The following ITSN1 variants were observed in gnomAD, a reference collection of about 807,000 sequenced individuals.
ITSN1 encodes intersectin-1.
ITSN1 carries 58 observed loss-of-function variants against 239.8 expected under a neutral mutation model. That is an observed-to-expected ratio of 0.24 (90% CI 0.20 to 0.30). ITSN1 has a LOEUF of 0.30. Among genes scored for constraint, ITSN1 ranks in the 10% least tolerant of loss-of-function variants. The pLI is 1.00. For missense variants in ITSN1, 1,558 were observed against 2,103.3 expected, an observed-to-expected ratio of 0.74 and a Z score of 5.07; for synonymous variants, 780 against 770.8, an observed-to-expected ratio of 1.01 and a Z score of -0.20.
At position 33,806,104 on chromosome 21, in the gene ITSN1, G is replaced by A. The variant is rs372563035; in HGVS notation, c.2319+3660G>A. 6.7e-5 allele frequency among the ~76,000 whole-genome samples: 10 copies of A among 149,356 alleles called. 1 individual carries two copies. The highest frequency in any genetic ancestry group is 6.0e-4 in the East Asian group (3 of 5,002). ...CGGGCGCCTGTAGTCCCAGCTACTC[G>A]GGAGGCTGAGGCAGGAGAATGGCAT... On this transcript the variant is annotated intron_variant, in intron 20 of 39. Transcript: ENST00000381318.
At chr21:33,799,125 A>G (rs2071784292) in intron 18 of ITSN1, among the ~76,000 whole-genome samples, 1 of 152,208 alleles carries the variant, frequency 6.6e-6, no homozygotes, top group Non-Finnish European at 1.5e-5. Context: ...GTCTGTTACT[A>G]GTTTTTGCTA....
intron 27 of ITSN1, among the ~76,000 whole-genome samples, chr21:33,830,548 GTCT>G (rs2074235499): frequency 6.6e-6 from 1 of 151,806 alleles, no homozygotes; most frequent in African/African-American, 2.4e-5. Flanking sequence ...GGAGTGACTG[GTCT>G]TCAAAACCGT....
In ITSN1 at chr21:33,847,981, A is replaced by G. The variant is rs2075036549; in HGVS notation, c.3662-8755A>G. Among the ~76,000 whole-genome samples, 3 of 152,250 alleles carry G rather than the reference A, an allele frequency of 2.0e-5. No homozygotes were observed. The South Asian group carries it at 6.2e-4, about 32-fold the overall frequency. On this transcript the variant is annotated intron_variant, in intron 29 of 39. Transcript: ENST00000381318. Reference sequence around the variant, plus strand: ...ACAGCAGGGGCACTGGGATTTTTAAAAACTCCTTGCGTGACCCCAGTGTGT... The same window carrying G: ...ACAGCAGGGGCACTGGGATTTTTAAGAACTCCTTGCGTGACCCCAGTGTGT...
chr21:33,756,287 C>CAAAAAAAA (rs923721086), intron 8 of ITSN1, among the ~76,000 whole-genome samples: 2 of 56,814 alleles, frequency 3.5e-5, no homozygotes, highest in African/African-American at 1.2e-4. Context: ...GACTCCGTCT[C>CAAAAAAAA]AAAAAAAAAA....
intron 7 of ITSN1, 43 bp downstream of exon 7, chr21:33,751,949 T>A: frequency 8.6e-7 from 1 of 1,158,006 alleles, no homozygotes; most frequent in Non-Finnish European, 1.3e-6. Flanking sequence ...GTTAAGGCCA[T>A]TACCTGATTA....
chr21:33,694,138 C>T (rs1031654596), intron 1 of ITSN1, among the ~76,000 whole-genome samples: 1 of 152,216 alleles, frequency 6.6e-6, no homozygotes, highest in African/African-American at 2.4e-5. Context: ...CTCAGCCTCC[C>T]AAGTAGCTGG....
intron 1 of ITSN1, among the ~76,000 whole-genome samples, chr21:33,652,671 A>G (rs1326651113): frequency 6.6e-6 from 1 of 152,150 alleles, no homozygotes; most frequent in Non-Finnish European, 1.5e-5. Flanking sequence ...GGACTGGGTA[A>G]AACCATCTCC....
chr21:33,752,196 CAGTA>C (rs1299545226), intron 7 of ITSN1, among the ~76,000 whole-genome samples: 2 of 150,132 alleles, frequency 1.3e-5, no homozygotes, highest in Non-Finnish European at 3.0e-5. Flanking sequence ...TGTTTAAAAA[CAGTA>C]AGATAAAATT....
chr21:33,726,512 GT>G (rs2065841787), intron 4 of ITSN1, among the ~76,000 whole-genome samples: 1 of 151,684 alleles, frequency 6.6e-6, no homozygotes. Context: ...TTGCTTTTTT[GT>G]TTGTTTTTGA....
At chr21:33,770,249 G>A (rs1182423606) in intron 11 of ITSN1, among the ~76,000 whole-genome samples, 3 of 151,616 alleles carry the variant, frequency 2.0e-5, no homozygotes, top group African/African-American at 4.9e-5. Context: ...TTTTAGTAGA[G>A]ATAGGGTTTC....
In ITSN1 at chr21:33,797,769, A is replaced by G. The variant is rs2071676327; in HGVS notation, c.2182+161A>G. ...GGCCAGCTCTTCTTTCCCCAGGGTCATTTGAGATCTGTGTAATTCTCCCAC... is the reference window on the plus strand; with the variant it reads ...GGCCAGCTCTTCTTTCCCCAGGGTCGTTTGAGATCTGTGTAATTCTCCCAC... On this transcript the variant is annotated intron_variant, in intron 18 of 39. Coordinates refer to ENST00000381318, the MANE Select transcript of ITSN1 (RefSeq NM_003024.3). This position sits in a 1 kb window ranked among gnomAD's most constrained non-coding sequence, Gnocchi z 4.9. Among the ~76,000 whole-genome samples the G allele has an allele frequency of 6.6e-6, 1 of 152,190 alleles. No homozygotes were observed. The highest frequency in any genetic ancestry group is 1.5e-5 in the Non-Finnish European group (1 of 68,032).
At chr21:33,832,627 C>G (rs929726173) in intron 27 of ITSN1, among the ~76,000 whole-genome samples, 3 of 151,768 alleles carry the variant, frequency 2.0e-5, no homozygotes, top group Admixed American at 2.0e-4. Context: ...GGTGTCATTG[C>G]GAGCAGAATG....
rs2066756443 is a variant in ITSN1 at position 33,740,189 on chromosome 21, C to G, written c.346+4985C>G. Among the ~76,000 whole-genome samples the G allele has an allele frequency of 2.0e-5, 3 of 152,010 alleles. No individual in the cohort carries two copies. In the South Asian group the frequency reaches 6.2e-4, roughly 32 times the overall value. On this transcript the variant is annotated intron_variant, in intron 5 of 39. Transcript: ENST00000381318. ...AAGAGTTTTGGTGATTTTGAGAGTC[C>G]TAGTAGATTTCCGAGTTGGGATGTT...
chr21:33,696,812 T>C (rs1388513875), intron 1 of ITSN1, among the ~76,000 whole-genome samples: 3 of 152,180 alleles, frequency 2.0e-5, no homozygotes, highest in African/African-American at 7.2e-5. Context: ...CTCAAACTTT[T>C]CTCTGCTTAC....
intron 27 of ITSN1, among the ~76,000 whole-genome samples, chr21:33,829,949 C>T (rs989922002): frequency 4.6e-5 from 7 of 152,112 alleles, no homozygotes; most frequent in African/African-American, 1.2e-4. Flanking sequence ...GAGCTAGGAG[C>T]GCATACGAAA....
chr21:33,693,931 A>G (rs533074816), intron 1 of ITSN1, among the ~76,000 whole-genome samples: 6 of 152,354 alleles, frequency 3.9e-5, no homozygotes, highest in Non-Finnish European at 8.8e-5. Context: ...AGTTTTTGAT[A>G]TATTTTGTTT....
chr21:33,775,133 C>CTAT (rs761162388), intron 14 of ITSN1, 25 bp downstream of exon 14: 2 of 1,594,196 alleles, frequency 1.3e-6, no homozygotes, highest in Non-Finnish European at 8.5e-7. Context: ...CTCTTAAAAG[C>CTAT]TATTATATTA....
chr21:33,843,196 C>A (rs1001817092), intron 29 of ITSN1, among the ~76,000 whole-genome samples: 1 of 152,174 alleles, frequency 6.6e-6, no homozygotes, highest in Admixed American at 6.5e-5. Flanking sequence ...TCGTTCTAGG[C>A]GTACCATTTG....
At position 33,762,005 on chromosome 21, in the gene ITSN1, T is replaced by A. The variant is rs1166347945; in HGVS notation, c.788+19T>A. On this transcript the variant is annotated intron_variant, in intron 9 of 39. Coordinates refer to ENST00000381318, the MANE Select transcript of ITSN1 (RefSeq NM_003024.3). The stretch of plus-strand genomic sequence containing the variant: ...CAATATGGTAAGGAATGAAAAGTTC[T>A]TTGGTTTGGATAAAGTGGAAACTTG... 1 of 1,592,902 alleles carries A rather than the reference T, an allele frequency of 6.3e-7. No homozygotes were observed. Among genetic ancestry groups the A allele is most frequent in the Admixed American group, 1.7e-5 (1 of 59,996 alleles).
Sources: gnomAD v4.1 joint callset for allele counts (sites outside exome capture counted in the v4.1 genomes callset) on GRCh38, gnomAD v4.1.1 for gene constraint, Gnocchi (gnomAD v3.1) non-coding constraint, MANE v1.5 for transcripts, NCBI Gene and HGNC (gene_info 2026-07-23, HGNC 2026-07-21) for gene names.